RANBP2: variants seen among roughly 807,000 people sequenced by gnomAD.
RANBP2 encodes E3 SUMO-protein ligase RanBP2.
RANBP2 carries 57 observed loss-of-function variants against 303.6 expected under a neutral mutation model. That is an observed-to-expected ratio of 0.19 (90% CI 0.15 to 0.23). The LOEUF (loss-of-function observed/expected upper bound fraction) is 0.23, where lower values mean the gene tolerates loss of function less well. RANBP2 is among the 10% of genes least tolerant of loss of function. RANBP2 has a pLI of 1.00. For synonymous variants in RANBP2, 1,167 were observed against 1,301.5 expected, an observed-to-expected ratio of 0.90 and a Z score of 2.23; for missense variants, 3,138 against 3,780.8, an observed-to-expected ratio of 0.83 and a Z score of 4.46.
At chr2:109,208,914 GAGA>G in the RANBP2 span, among the ~76,000 whole-genome samples, 1 of 152,196 alleles carries the variant, frequency 6.6e-6, no homozygotes, top group Non-Finnish European at 1.5e-5. Flanking sequence ...TGGGCATCTG[GAGA>G]AGGACTGTAG....
chr2:109,707,938 A>G, the RANBP2 span, among the ~76,000 whole-genome samples: 1 of 152,258 alleles, frequency 6.6e-6, no homozygotes, highest in African/African-American at 2.4e-5. Context: ...GGAAAGTGGC[A>G]TAGAGGGTGT....
At chr2:109,187,550 T>A in the RANBP2 span, among the ~76,000 whole-genome samples, 12 of 152,148 alleles carry the variant, frequency 7.9e-5, no homozygotes, top group African/African-American at 2.9e-4. Context: ...GTGTTCCAGC[T>A]CCTAAGGTGT....
chr2:109,442,527 C>T, the RANBP2 span, among the ~76,000 whole-genome samples: 1 of 152,064 alleles, frequency 6.6e-6, no homozygotes, highest in East Asian at 1.9e-4. Flanking sequence ...TGAAAGCAAT[C>T]TAGTTTGGGA....
chr2:109,090,307 G>A, the RANBP2 span, among the ~76,000 whole-genome samples: 6 of 121,668 alleles, frequency 4.9e-5, no homozygotes, highest in East Asian at 6.0e-4. Flanking sequence ...AGGACACCTC[G>A]CCTCACACAC....
At chr2:108,811,575 T>C in the RANBP2 span, among the ~76,000 whole-genome samples, 1 of 152,128 alleles carries the variant, frequency 6.6e-6, no homozygotes, top group Non-Finnish European at 1.5e-5. Context: ...TCATGGTTTG[T>C]TGGTTTTTTT....
the RANBP2 span, among the ~76,000 whole-genome samples, chr2:109,642,611 T>C: frequency 2.0e-5 from 3 of 150,832 alleles, no homozygotes; most frequent in Non-Finnish European, 2.9e-5. Context: ...TAGCTGGGCA[T>C]GGTGACGTGC....
chr2:109,621,914 A>AAAT, the RANBP2 span, among the ~76,000 whole-genome samples: 3 of 146,486 alleles, frequency 2.0e-5, no homozygotes, highest in South Asian at 2.2e-4. Flanking sequence ...CTCCATCTCA[A>AAAT]AAATAAATAA....
At chr2:109,548,177 C>CAAAAAA in the RANBP2 span, among the ~76,000 whole-genome samples, 1 of 145,676 alleles carries the variant, frequency 6.9e-6, no homozygotes, top group Non-Finnish European at 1.5e-5. Context: ...TGGCTTACCT[C>CAAAAAA]AAAAAAAAAA....
At chr2:109,070,858 TAAA>T in the RANBP2 span, among the ~76,000 whole-genome samples, 163 of 137,156 alleles carry the variant, frequency 1.2e-3, 1 homozygote, top group Non-Finnish European at 9.2e-4. Context: ...AGACCCTATC[TAAA>T]AAAAAAAAAA....
the RANBP2 span, among the ~76,000 whole-genome samples, chr2:109,223,884 C>T: frequency 7.9e-5 from 12 of 152,150 alleles, no homozygotes; most frequent in Non-Finnish European, 1.8e-4. Context: ...GTTGTCCCAG[C>T]TACTCCGGAG....
chr2:108,763,502 C>T lies in RANBP2; in HGVS notation c.2963C>T (p.Ala988Val). ...TATTTCACAAAACCTCCGATTGCAG[C>T]TCATGCTTCAAGATCTGCAGAATCT... ...PGYFTKPPIA[A>V]HASRSAESKT... The change falls in exon 20 of 29, where the codon GCT (alanine) becomes GTT (valine). Residue 988 changes from alanine to valine, a missense_variant. This residue lies in a region of RANBP2 where 403 missense variants were observed against 376.7 expected (regional missense o/e 1.07). Transcript: ENST00000283195. 6.2e-7 allele frequency: 1 copy of T among 1,614,098 alleles called. No individual in the cohort carries two copies. The highest frequency in any genetic ancestry group is 8.5e-7 in the Non-Finnish European group (1 of 1,179,996).
At chr2:109,706,387 C>T in the RANBP2 span, among the ~76,000 whole-genome samples, 1 of 152,224 alleles carries the variant, frequency 6.6e-6, no homozygotes, top group Non-Finnish European at 1.5e-5. Flanking sequence ...AGGCTCAGCC[C>T]TGCCCTAGGG....
the RANBP2 span, chr2:108,906,504 G>A: frequency 1.1e-6 from 1 of 900,024 alleles, no homozygotes; most frequent in African/African-American, 1.6e-5. Flanking sequence ...CGTGTCAGCA[G>A]CCCAGCCCTG....
the RANBP2 span, among the ~76,000 whole-genome samples, chr2:109,598,167 A>T: frequency 6.6e-6 from 1 of 151,868 alleles, no homozygotes; most frequent in Non-Finnish European, 1.5e-5. Flanking sequence ...GGTTCAAGCG[A>T]TTTGTCTGCC....
At chr2:108,739,510 C>T (rs1695899057) in intron 6 of RANBP2, among the ~76,000 whole-genome samples, 1 of 151,958 alleles carries the variant, frequency 6.6e-6, no homozygotes, top group Admixed American at 6.6e-5. Context: ...TTCATGGATC[C>T]CCTGAAGGGG....
the RANBP2 span, chr2:108,910,586 C>G: frequency 1.1e-5 from 17 of 1,503,120 alleles, no homozygotes; most frequent in East Asian, 3.4e-4. Flanking sequence ...GCTCATGGCT[C>G]TGCGCTCAGC....
the RANBP2 span, among the ~76,000 whole-genome samples, chr2:109,021,001 G>C: frequency 6.6e-6 from 1 of 152,170 alleles, no homozygotes; most frequent in African/African-American, 2.4e-5. Flanking sequence ...GGGTGCCTGG[G>C]GTGCCAAATG....
At chr2:109,284,289 A>G in the RANBP2 span, among the ~76,000 whole-genome samples, 1 of 152,210 alleles carries the variant, frequency 6.6e-6, no homozygotes, top group African/African-American at 2.4e-5. Flanking sequence ...CTGTATTAGT[A>G]GCCATGAGTA....
At chr2:109,362,219 G>A in the RANBP2 span, among the ~76,000 whole-genome samples, 4 of 151,880 alleles carry the variant, frequency 2.6e-5, no homozygotes, top group Non-Finnish European at 4.4e-5. Flanking sequence ...TTTCCCTGTA[G>A]GTGCTACTTT....
Sources: gnomAD v4.1 joint callset for allele counts (sites outside exome capture counted in the v4.1 genomes callset) on GRCh38, gnomAD v4.1.1 for gene constraint, gnomAD v4.1.1 regional missense constraint, MANE v1.5 for transcripts, NCBI Gene and HGNC (gene_info 2026-07-23, HGNC 2026-07-21) for gene names.